BRD10: variants seen among roughly 807,000 people sequenced by gnomAD.
The protein encoded by BRD10 is bromodomain containing 10.
chr9:5,929,356 A>G, the BRD10 span, among the ~76,000 whole-genome samples: 1 of 152,254 alleles, frequency 6.6e-6, no homozygotes, highest in Non-Finnish European at 1.5e-5. Context: ...TACCAGAGAA[A>G]TCTGAAACCT....
the BRD10 span, among the ~76,000 whole-genome samples, chr9:5,991,117 C>G: frequency 3.2e-4 from 49 of 151,964 alleles, no homozygotes; most frequent in Middle Eastern, 3.4e-3. Flanking sequence ...AGTTTCTGAA[C>G]AAAATATATT....
the BRD10 span, among the ~76,000 whole-genome samples, chr9:5,951,385 T>C: frequency 1.2e-4 from 19 of 152,220 alleles, no homozygotes; most frequent in East Asian, 3.7e-3. Flanking sequence ...AAGCATGCTT[T>C]CTGTCAATTT....
chr9:5,996,466 A>G, the BRD10 span, among the ~76,000 whole-genome samples: 1 of 152,100 alleles, frequency 6.6e-6, no homozygotes, highest in Non-Finnish European at 1.5e-5. Flanking sequence ...TTACAAGCAT[A>G]TGCCACTATG....
chr9:5,971,442 C>T, the BRD10 span, among the ~76,000 whole-genome samples: 1 of 152,066 alleles, frequency 6.6e-6, no homozygotes, highest in Admixed American at 6.6e-5. Flanking sequence ...GTATTATTTA[C>T]AAGAGCCAAA....
At chr9:5,968,056 G>C in the BRD10 span, 7 of 1,528,342 alleles carry the variant, frequency 4.6e-6, no homozygotes, top group Non-Finnish European at 6.1e-6. Context: ...TTTTTTTGAT[G>C]ATCAATAACT....
the BRD10 span, chr9:6,007,944 G>C: frequency 7.5e-7 from 1 of 1,327,468 alleles, no homozygotes; most frequent in Non-Finnish European, 9.6e-7. Flanking sequence ...CGGTGCGCGC[G>C]GGGGTCTTGA....
the BRD10 span, chr9:5,923,450 AC>A: frequency 1.6e-6 from 1 of 627,624 alleles, no homozygotes; most frequent in South Asian, 2.2e-5. Context: ...AAGCCTTAGC[AC>A]CACTGATGAA....
chr9:5,899,737 C>T, the BRD10 span, among the ~76,000 whole-genome samples: 8 of 152,300 alleles, frequency 5.3e-5, no homozygotes, highest in African/African-American at 9.6e-5. Context: ...TCGACCCCTC[C>T]GCTTTCCCCT....
At chr9:5,880,383 G>A in the BRD10 span, among the ~76,000 whole-genome samples, 3 of 151,892 alleles carry the variant, frequency 2.0e-5, no homozygotes, top group Non-Finnish European at 2.9e-5. Flanking sequence ...GTCATGGCAC[G>A]CGCCTGTAAT....
the BRD10 span, chr9:6,007,411 C>A: frequency 6.2e-7 from 1 of 1,607,608 alleles, no homozygotes; most frequent in Non-Finnish European, 8.5e-7. Flanking sequence ...GAAGGCGCGA[C>A]CGCCCCGGCC....
the BRD10 span, chr9:5,897,571 G>C: frequency 4.3e-6 from 7 of 1,614,092 alleles, no homozygotes; most frequent in South Asian, 7.7e-5. Context: ...GCTGGGATCG[G>C]CATCCTGACA....
the BRD10 span, chr9:5,968,204 T>A: frequency 6.2e-7 from 1 of 1,612,938 alleles, no homozygotes; most frequent in East Asian, 2.2e-5. Context: ...TTTAGTTAGT[T>A]TGAGTTTCTT....
chr9:5,940,881 TGTG>T, the BRD10 span, among the ~76,000 whole-genome samples: 2 of 152,202 alleles, frequency 1.3e-5, no homozygotes, highest in Admixed American at 6.5e-5. Context: ...TTAGAAAAGA[TGTG>T]GTCTTACATT....
chr9:5,888,889 C>G, the BRD10 span, among the ~76,000 whole-genome samples: 21 of 152,260 alleles, frequency 1.4e-4, no homozygotes, highest in East Asian at 3.9e-3. Context: ...TACACAACAA[C>G]AAGGAAGAAT....
chr9:5,908,715 G>A, the BRD10 span: 4 of 1,611,836 alleles, frequency 2.5e-6, no homozygotes, highest in Non-Finnish European at 2.5e-6. Flanking sequence ...TTAAGAGCCA[G>A]CGAGACACCT....
chr9:5,920,166 T>C, the BRD10 span: 2 of 1,614,026 alleles, frequency 1.2e-6, no homozygotes, highest in South Asian at 2.2e-5. Flanking sequence ...GATGCTAGTG[T>C]GATCTTCTGG....
At chr9:5,885,007 C>G in the BRD10 span, among the ~76,000 whole-genome samples, 1 of 152,206 alleles carries the variant, frequency 6.6e-6, no homozygotes, top group African/African-American at 2.4e-5. Flanking sequence ...CCGAGGCCAG[C>G]AGGCCACAGC....
At chr9:5,975,299 C>T in the BRD10 span, among the ~76,000 whole-genome samples, 53 of 151,708 alleles carry the variant, frequency 3.5e-4, no homozygotes, top group East Asian at 4.3e-3. Flanking sequence ...ATTAGCTGGG[C>T]GTGGTGGTGC....
the BRD10 span, chr9:5,897,698 C>A: frequency 1.3e-6 from 2 of 1,499,702 alleles, no homozygotes; most frequent in East Asian, 2.3e-5. Flanking sequence ...GTCCAGGGCC[C>A]TCTTTCCAGT....
Sources: gnomAD v4.1 joint callset for allele counts (sites outside exome capture counted in the v4.1 genomes callset) on GRCh38, gnomAD v4.1.1 for gene constraint, MANE v1.5 for transcripts, NCBI Gene and HGNC (gene_info 2026-07-23, HGNC 2026-07-21) for gene names.